Variants in SCHIP1 observed in about 807,000 individuals in gnomAD.
The protein encoded by SCHIP1 is schwannomin-interacting protein 1.
In SCHIP1, 8 loss-of-function variants were observed where a neutral mutation model predicts 29.7. The observed-to-expected ratio is 0.27, with a 90% CI of 0.16 to 0.49. The LOEUF is 0.49. SCHIP1 is among the 20% of genes least tolerant of loss of function. The pLI, the probability that SCHIP1 is intolerant of heterozygous loss-of-function variation, is 0.99. For synonymous variants in SCHIP1, 76 were observed against 94.9 expected, an observed-to-expected ratio of 0.80 and a Z score of 1.16; for missense variants, 193 against 294.6, an observed-to-expected ratio of 0.66 and a Z score of 2.52.
the SCHIP1 span, among the ~76,000 whole-genome samples, chr3:159,714,649 A>G: frequency 1.3e-5 from 2 of 152,328 alleles, no homozygotes; most frequent in East Asian, 1.9e-4. Context: ...GCTCACTGCT[A>G]GCACAGCAGT....
chr3:159,630,860 C>T, the SCHIP1 span, among the ~76,000 whole-genome samples: 2 of 152,008 alleles, frequency 1.3e-5, no homozygotes, highest in Non-Finnish European at 1.5e-5. Flanking sequence ...TCCCCAAAAG[C>T]CTATTGAAAT....
At chr3:159,743,297 G>A in the SCHIP1 span, among the ~76,000 whole-genome samples, 1 of 152,244 alleles carries the variant, frequency 6.6e-6, no homozygotes, top group South Asian at 2.1e-4. Context: ...AAAAAATAAA[G>A]AGCCTGCCAA....
the SCHIP1 span, among the ~76,000 whole-genome samples, chr3:159,436,245 G>A: frequency 1.3e-5 from 2 of 152,124 alleles, no homozygotes; most frequent in African/African-American, 2.4e-5. Context: ...CGTTTAAGAC[G>A]AAGTGTGCAT....
the SCHIP1 span, among the ~76,000 whole-genome samples, chr3:159,706,293 G>A: frequency 1.3e-5 from 2 of 151,938 alleles, no homozygotes; most frequent in African/African-American, 2.4e-5. Context: ...TAAGCCTCTT[G>A]CCAGTTCTTT....
intron 6 of SCHIP1, 33 bp from the exon 8 acceptor site, chr3:159,896,690 T>C (rs776943530): frequency 5.1e-6 from 8 of 1,577,216 alleles, no homozygotes; most frequent in Middle Eastern, 1.8e-4. Context: ...TCTCTCTACA[T>C]GATGCTAAAT....
chr3:159,712,255 C>T, the SCHIP1 span, among the ~76,000 whole-genome samples: 3 of 152,176 alleles, frequency 2.0e-5, no homozygotes, highest in African/African-American at 7.2e-5. Context: ...GCTATCCAGC[C>T]TCTGGGGGTG....
the SCHIP1 span, among the ~76,000 whole-genome samples, chr3:159,663,999 A>G: frequency 0.02 from 3,039 of 152,338 alleles, 117 homozygotes; most frequent in African/African-American, 0.07. Flanking sequence ...AAATAAAAAC[A>G]AAGTTTAAAT....
At chr3:159,328,317 C>T in the SCHIP1 span, among the ~76,000 whole-genome samples, 1 of 151,924 alleles carries the variant, frequency 6.6e-6, no homozygotes, top group African/African-American at 2.4e-5. Context: ...TTGACTCCTG[C>T]CCTTGAGGAA....
chr3:159,486,263 G>A, the SCHIP1 span, among the ~76,000 whole-genome samples: 1 of 152,116 alleles, frequency 6.6e-6, no homozygotes, highest in Non-Finnish European at 1.5e-5. Flanking sequence ...CTAAGTAACT[G>A]AAACTTTGTA....
the SCHIP1 span, among the ~76,000 whole-genome samples, chr3:159,579,237 T>A: frequency 6.6e-6 from 1 of 152,224 alleles, no homozygotes; most frequent in Admixed American, 6.5e-5. Flanking sequence ...TAATGCAGAA[T>A]ACTGGATTCA....
At chr3:159,693,810 T>C in the SCHIP1 span, among the ~76,000 whole-genome samples, 1 of 152,226 alleles carries the variant, frequency 6.6e-6, no homozygotes, top group African/African-American at 2.4e-5. Context: ...TAGAGCCTTC[T>C]TAATTTTTAA....
the SCHIP1 span, among the ~76,000 whole-genome samples, chr3:159,413,037 G>A: frequency 7.2e-5 from 11 of 152,198 alleles, no homozygotes; most frequent in Non-Finnish European, 7.3e-5. Context: ...AAGCAAACAT[G>A]TCCTTCTTCC....
chr3:159,677,170 C>T, the SCHIP1 span, among the ~76,000 whole-genome samples: 1 of 152,170 alleles, frequency 6.6e-6, no homozygotes, highest in African/African-American at 2.4e-5. Flanking sequence ...TCCAGGTACC[C>T]AATACCCTAG....
the SCHIP1 span, among the ~76,000 whole-genome samples, chr3:159,738,063 GT>G: frequency 6.6e-6 from 1 of 152,200 alleles, no homozygotes; most frequent in African/African-American, 2.4e-5. Flanking sequence ...GTAAAGTTAA[GT>G]TTTTGAGCCT....
the SCHIP1 span, among the ~76,000 whole-genome samples, chr3:159,814,007 A>G: frequency 6.6e-6 from 1 of 152,194 alleles, no homozygotes; most frequent in African/African-American, 2.4e-5. Context: ...CAGGCAGCCC[A>G]GATCTACAAC....
the SCHIP1 span, among the ~76,000 whole-genome samples, chr3:159,331,732 G>A: frequency 6.6e-6 from 1 of 152,030 alleles, no homozygotes; most frequent in Non-Finnish European, 1.5e-5. Context: ...ACACTTTTCT[G>A]TATTAGCCTC....
At chr3:159,611,643 C>T in the SCHIP1 span, among the ~76,000 whole-genome samples, 1 of 152,064 alleles carries the variant, frequency 6.6e-6, no homozygotes, top group African/African-American at 2.4e-5. Context: ...ACATATATAC[C>T]CATGTAACAA....
At chr3:159,619,339 C>T in the SCHIP1 span, among the ~76,000 whole-genome samples, 1 of 152,184 alleles carries the variant, frequency 6.6e-6, no homozygotes, top group African/African-American at 2.4e-5. Context: ...TTCTCACCAA[C>T]CCTGTGCTTT....
the SCHIP1 span, among the ~76,000 whole-genome samples, chr3:159,385,563 C>T: frequency 2.0e-5 from 1 of 49,126 alleles, no homozygotes; most frequent in African/African-American, 7.7e-5. Context: ...ACTCTGCAAA[C>T]AAACAAACAA....
Sources: allele counts gnomAD v4.1 joint callset (sites outside exome capture counted in the v4.1 genomes callset), GRCh38; gene constraint gnomAD v4.1.1; transcripts MANE v1.5; gene names NCBI Gene and HGNC (gene_info 2026-07-23, HGNC 2026-07-21).